The following LPIN2 variants were observed in gnomAD, a reference collection of about 807,000 sequenced individuals.
The protein encoded by LPIN2 is lipin 2, also known as phosphatidate phosphatase LPIN2.
LPIN2 carries 55 observed loss-of-function variants against 111.4 expected under a neutral mutation model. That is an observed-to-expected ratio of 0.49 (90% CI 0.40 to 0.62). The LOEUF is 0.62. LPIN2 is among the 20% of genes least tolerant of loss of function. LPIN2 has a pLI of 0.00. For synonymous variants in LPIN2, 425 were observed against 414.0 expected (o/e 1.03, Z -0.32); for missense variants, 992 against 1,112.1 (o/e 0.89, Z 1.54).
chr18:2,937,554 A>G, intron 7 of LPIN2, 138 bp downstream of exon 7: 1 of 673,770 alleles, frequency 1.5e-6, no homozygotes, highest in East Asian at 2.8e-5. Flanking sequence ...TAAAAAAAAA[A>G]AAAAAAAAAA....
At chr18:3,008,208 A>G (rs1293227138) in intron 1 of LPIN2, among the ~76,000 whole-genome samples, 1 of 152,208 alleles carries the variant, frequency 6.6e-6, no homozygotes, top group Non-Finnish European at 1.5e-5. Context: ...TTCGGAGGCC[A>G]AGGTGGGTGG....
chr18:2,981,659 T>C (rs573438983), intron 1 of LPIN2, among the ~76,000 whole-genome samples: 1 of 152,358 alleles, frequency 6.6e-6, no homozygotes, highest in South Asian at 2.1e-4. Context: ...AATGTTGATT[T>C]CAAAAGCAAA....
At chr18:2,998,479 T>C (rs1046893219) in intron 1 of LPIN2, among the ~76,000 whole-genome samples, 10 of 152,180 alleles carry the variant, frequency 6.6e-5, no homozygotes, top group African/African-American at 2.4e-4. Context: ...TGAACTTGGC[T>C]GACAAGGTAC....
intron 4 of LPIN2, chr18:2,946,855 T>A: frequency 2.9e-6 from 1 of 340,102 alleles, no homozygotes; most frequent in Non-Finnish European, 5.6e-6. Context: ...TCAGCGTGGC[T>A]AATGATCTCA....
chr18:2,981,371 A>G (rs897635560), intron 1 of LPIN2, among the ~76,000 whole-genome samples: 4 of 152,210 alleles, frequency 2.6e-5, no homozygotes, highest in African/African-American at 9.6e-5. Context: ...TGGGACAGGG[A>G]GGTGACTCAT....
chr18:2,924,505 AAACAC>A lies in LPIN2; in HGVS notation c.1975_1979del (p.Val659Ter), dbSNP rs1179683328. 6.2e-7 allele frequency: 1 copy of A among 1,614,098 alleles called. No individual in the cohort carries two copies. Among genetic ancestry groups the A allele is most frequent in the African/African-American group, 1.3e-5 (1 of 74,942 alleles). On this transcript the variant is annotated frameshift_variant, in exon 15 of 20. Transcript: ENST00000677752. LOFTEE classifies it high-confidence loss of function. ...TGCCTTGATACTGGGTTGTAATACT[AAACAC>A]AACATCATTTGGGCCATCGTGGAGC...
intron 1 of LPIN2, among the ~76,000 whole-genome samples, chr18:2,962,096 G>T (rs1478794079): frequency 6.6e-6 from 1 of 152,206 alleles, no homozygotes; most frequent in East Asian, 1.9e-4. Context: ...ATATCTGCCT[G>T]CACAGAAATT....
intron 1 of LPIN2, among the ~76,000 whole-genome samples, chr18:3,007,280 C>T (rs146428682): frequency 0.045 from 6,811 of 152,080 alleles, 491 homozygotes; most frequent in African/African-American, 0.15. Flanking sequence ...CATGCCATTC[C>T]CCTGCCTCAG....
At chr18:2,964,207 T>A (rs2077754078) in intron 1 of LPIN2, among the ~76,000 whole-genome samples, 1 of 122,814 alleles carries the variant, frequency 8.1e-6, no homozygotes, top group Non-Finnish European at 1.6e-5. Flanking sequence ...CACTTGAACC[T>A]GGGAAGCGGA....
Position 2,980,241 on chromosome 18 carries a change from G to A in LPIN2, c.-9-19392C>T, listed in dbSNP as rs1453140004. On this transcript the variant is annotated intron_variant, in intron 1 of 19. Coordinates refer to ENST00000677752, the MANE Select transcript of LPIN2 (RefSeq NM_001375808.2). Reference sequence around the variant, plus strand: ...CCCTTGTTCTAGGACTCAGAACTCTGGTTGAGTTCTCTGGCTAATTATGAG... The same window carrying A: ...CCCTTGTTCTAGGACTCAGAACTCTAGTTGAGTTCTCTGGCTAATTATGAG... Among the ~76,000 whole-genome samples, 4 of 152,260 alleles carry A rather than the reference G, an allele frequency of 2.6e-5. No homozygotes were observed. The East Asian group carries it at 7.7e-4, about 29-fold the overall frequency.
chr18:2,969,340 C>A (rs2077864889), intron 1 of LPIN2, among the ~76,000 whole-genome samples: 1 of 152,166 alleles, frequency 6.6e-6, no homozygotes. Flanking sequence ...AGAAAAAGTA[C>A]AGGGGAGTTT....
chr18:2,938,519 A>C (rs898610872), intron 6 of LPIN2, among the ~76,000 whole-genome samples: 12 of 151,984 alleles, frequency 7.9e-5, no homozygotes, highest in African/African-American at 2.9e-4. Flanking sequence ...GCAAGACTTT[A>C]TCTCAAAAAA....
chr18:2,996,455 C>T (rs1345498587), intron 1 of LPIN2, among the ~76,000 whole-genome samples: 1 of 149,284 alleles, frequency 6.7e-6, no homozygotes, highest in Admixed American at 6.9e-5. Flanking sequence ...TGCTTACCTC[C>T]CAGGAAAATA....
intron 1 of LPIN2, among the ~76,000 whole-genome samples, chr18:2,963,172 C>T (rs2077738565): frequency 6.6e-6 from 1 of 152,200 alleles, no homozygotes; most frequent in Non-Finnish European, 1.5e-5. Context: ...TGTAGCTTAA[C>T]ATGCTACACC....
chr18:2,939,005 TA>T (rs1034549022), intron 6 of LPIN2, among the ~76,000 whole-genome samples: 4 of 151,948 alleles, frequency 2.6e-5, no homozygotes, highest in African/African-American at 9.7e-5. Context: ...AAATAAAAAC[TA>T]AAAAATTAAC....
rs2077123393 is a variant in LPIN2 at position 2,925,849 on chromosome 18, T to G, written c.1794-481A>C. 6.7e-6 allele frequency among the ~76,000 whole-genome samples: 1 copy of G among 150,280 alleles called. No individual in the cohort carries two copies. The highest frequency in any genetic ancestry group is 1.5e-5 in the Non-Finnish European group (1 of 67,584). ...AGGGAGACCCAGTTTCTACGGAACATTTAAAAATTAGCCAGGGGTAGTGAC... is the reference window on the plus strand; with the variant it reads ...AGGGAGACCCAGTTTCTACGGAACAGTTAAAAATTAGCCAGGGGTAGTGAC... On this transcript the variant is annotated intron_variant, in intron 13 of 19. Coordinates refer to ENST00000677752, the MANE Select transcript of LPIN2 (RefSeq NM_001375808.2). The surrounding 1 kb of genome is among the most constrained non-coding windows in gnomAD (Gnocchi z 4.1).
intron 1 of LPIN2, among the ~76,000 whole-genome samples, chr18:2,998,937 A>C (rs1172210799): frequency 6.6e-6 from 1 of 152,264 alleles, no homozygotes; most frequent in Non-Finnish European, 1.5e-5. Context: ...TTAAACATTC[A>C]GGAACATGCA....
At chr18:2,943,388 T>TA (rs2077394486) in intron 4 of LPIN2, among the ~76,000 whole-genome samples, 1 of 151,972 alleles carries the variant, frequency 6.6e-6, no homozygotes, top group Non-Finnish European at 1.5e-5. Context: ...AGAAAGGAAA[T>TA]ACCATGGTCA....
intron 1 of LPIN2, among the ~76,000 whole-genome samples, chr18:2,993,205 GAAGA>G (rs1457452943): frequency 2.7e-5 from 4 of 150,518 alleles, no homozygotes; most frequent in Admixed American, 6.6e-5. Context: ...AAGGAACAAA[GAAGA>G]AAGAAGAAGA....
Sources: allele counts gnomAD v4.1 joint callset (sites outside exome capture counted in the v4.1 genomes callset), GRCh38; gene constraint gnomAD v4.1.1; non-coding constraint Gnocchi (gnomAD v3.1); transcripts MANE v1.5; gene names NCBI Gene and HGNC (gene_info 2026-07-23, HGNC 2026-07-21).